WDR27: variants seen among roughly 807,000 people sequenced by gnomAD.
WDR27 encodes WD repeat-containing protein 27.
In WDR27, 100 loss-of-function variants were observed where a neutral mutation model predicts 114.4. The ratio of observed to expected loss-of-function variants is 0.87; its 90% CI spans 0.74 to 1.03. The LOEUF is 1.03. WDR27 is among the 50% of genes least tolerant of loss of function. WDR27 has a pLI of 0.00. For synonymous variants in WDR27, 449 were observed against 423.1 expected (o/e 1.06, Z -0.75); for missense variants, 1,129 against 1,092.9 (o/e 1.03, Z -0.47).
intron 25 of WDR27, among the ~76,000 whole-genome samples, chr6:169,555,270 G>C (rs971271081): frequency 6.6e-6 from 1 of 152,110 alleles, no homozygotes; most frequent in Non-Finnish European, 1.5e-5. Context: ...ACATTTGAAG[G>C]AGGACGAAGG....
At position 169,662,112 on chromosome 6, in the gene WDR27, C is replaced by CT. The variant is rs1269064626; in HGVS notation, c.1025+191dup. Among the ~76,000 whole-genome samples the CT allele has an allele frequency of 2.6e-5, 4 of 152,306 alleles. No homozygotes were observed. In the East Asian group the frequency reaches 7.7e-4, roughly 29 times the overall value. Reference sequence around the variant, plus strand: ...CATCCAATTCCTTTTATTAAAGACACTTACGTATCATTGCCCAAGTTTACC... The same window carrying CT: ...CATCCAATTCCTTTTATTAAAGACACTTTACGTATCATTGCCCAAGTTTACC... On this transcript the variant is annotated intron_variant, in intron 9 of 25. Coordinates refer to ENST00000448612, the MANE Select transcript of WDR27 (RefSeq NM_182552.5).
the WDR27 span, among the ~76,000 whole-genome samples, chr6:169,443,274 G>C: frequency 6.6e-6 from 1 of 152,134 alleles, no homozygotes; most frequent in Non-Finnish European, 1.5e-5. Flanking sequence ...TCCCAGGCTG[G>C]GTACTTGGAA....
chr6:169,654,874 C>T (rs1823679959), intron 13 of WDR27, among the ~76,000 whole-genome samples: 1 of 152,156 alleles, frequency 6.6e-6, no homozygotes, highest in South Asian at 2.1e-4. Flanking sequence ...GAAGGAAGCG[C>T]GCACAGAGGA....
At chr6:169,443,231 G>A in the WDR27 span, among the ~76,000 whole-genome samples, 66 of 152,288 alleles carry the variant, frequency 4.3e-4, no homozygotes, top group Admixed American at 9.8e-4. Flanking sequence ...ACAGCAACAC[G>A]TGCCGTCACC....
At chr6:169,570,477 C>T (rs1801199314) in intron 25 of WDR27, among the ~76,000 whole-genome samples, 1 of 152,178 alleles carries the variant, frequency 6.6e-6, no homozygotes, top group Non-Finnish European at 1.5e-5. Context: ...GTAAATCATG[C>T]AATTCTCTTT....
chr6:169,659,193 C>T lies in WDR27; in HGVS notation c.1212G>A (p.Leu404=). 6.2e-7 allele frequency: 1 copy of T among 1,602,950 alleles called. No individual in the cohort carries two copies. The highest frequency in any genetic ancestry group is 8.5e-7 in the Non-Finnish European group (1 of 1,176,040). The change falls in exon 12 of 26, where the codon CTG becomes CTA. Residue 404 remains leucine (L), a synonymous_variant. Transcript: ENST00000448612. The surrounding 1 kb of genome is among the most constrained non-coding windows in gnomAD (Gnocchi z 4.3). The part of the protein sequence containing the change: ...RTADQKVLCL[L]ASLFGGKIAV... ...CAATCTTCCCGCCAAAGAGGGAGGC[C>T]AGCAAGCACAGCACCTGCAGGGACG...
At chr6:169,688,090 C>A (rs1187256203) in intron 2 of WDR27, among the ~76,000 whole-genome samples, 1 of 152,058 alleles carries the variant, frequency 6.6e-6, no homozygotes, top group Non-Finnish European at 1.5e-5. Flanking sequence ...GATAAAGTGT[C>A]TATTTACATA....
chr6:169,650,289 CCCT>C (rs1424260928), intron 14 of WDR27, among the ~76,000 whole-genome samples: 3 of 145,254 alleles, frequency 2.1e-5, no homozygotes, highest in East Asian at 2.2e-4. Flanking sequence ...ACTCATCCAT[CCCT>C]CATCTCTGCA....
chr6:169,446,568 A>G, the WDR27 span, among the ~76,000 whole-genome samples: 3 of 152,224 alleles, frequency 2.0e-5, no homozygotes, highest in African/African-American at 7.2e-5. Flanking sequence ...GAGGGAGAAA[A>G]TGCCTTTTTT....
chr6:169,446,517 CG>C, the WDR27 span, among the ~76,000 whole-genome samples: 1 of 152,074 alleles, frequency 6.6e-6, no homozygotes, highest in East Asian at 1.9e-4. Context: ...TGTGGCACAC[CG>C]GGGCAAACCA....
intron 25 of WDR27, among the ~76,000 whole-genome samples, chr6:169,512,199 G>C (rs756123636): frequency 4.6e-5 from 7 of 152,142 alleles, no homozygotes; most frequent in Non-Finnish European, 7.4e-5. Flanking sequence ...TAATTTTATA[G>C]TGTTTTCTTA....
At chr6:169,578,059 C>G (rs1276883096) in intron 24 of WDR27, among the ~76,000 whole-genome samples, 3 of 152,178 alleles carry the variant, frequency 2.0e-5, no homozygotes, top group Admixed American at 6.5e-5. Flanking sequence ...AAACGCGTTT[C>G]TCTAATGTGT....
At chr6:169,591,737 T>A (rs1040336355) in intron 23 of WDR27, among the ~76,000 whole-genome samples, 1 of 152,168 alleles carries the variant, frequency 6.6e-6, no homozygotes, top group Non-Finnish European at 1.5e-5. Context: ...ACAGGTGTGG[T>A]GCTGCCCGCT....
At chr6:169,613,252 G>A (rs1431557040) in intron 22 of WDR27, among the ~76,000 whole-genome samples, 1 of 152,180 alleles carries the variant, frequency 6.6e-6, no homozygotes, top group East Asian at 1.9e-4. Context: ...GAACACACTT[G>A]GGAGAGAGAG....
chr6:169,676,021 A>G (rs751841701), intron 2 of WDR27, among the ~76,000 whole-genome samples: 6 of 152,226 alleles, frequency 3.9e-5, no homozygotes, highest in Non-Finnish European at 8.8e-5. Flanking sequence ...GTTATGCCAG[A>G]GTCAGACTGA....
intron 1 of WDR27, among the ~76,000 whole-genome samples, chr6:169,701,226 T>C (rs931713539): frequency 1.3e-5 from 2 of 152,136 alleles, no homozygotes; most frequent in African/African-American, 2.4e-5. Flanking sequence ...TTAATGTACA[T>C]ACGAATATTT....
chr6:169,442,119 C>T, the WDR27 span, among the ~76,000 whole-genome samples: 6 of 152,336 alleles, frequency 3.9e-5, no homozygotes, highest in Admixed American at 3.3e-4. Flanking sequence ...GGGCCAGGTT[C>T]GTCTGCTATA....
intron 25 of WDR27, among the ~76,000 whole-genome samples, chr6:169,546,492 G>A (rs1050111618): frequency 6.6e-6 from 1 of 152,280 alleles, no homozygotes; most frequent in African/African-American, 2.4e-5. Flanking sequence ...GGGACACTGA[G>A]GATAGGGCAG....
At chr6:169,656,656 G>C (rs1288068419) in intron 13 of WDR27, among the ~76,000 whole-genome samples, 1 of 152,074 alleles carries the variant, frequency 6.6e-6, no homozygotes, top group Non-Finnish European at 1.5e-5. Context: ...GGAGGGCCCA[G>C]GAGGAGGAGG....
Sources: allele counts gnomAD v4.1 joint callset (sites outside exome capture counted in the v4.1 genomes callset), GRCh38; gene constraint gnomAD v4.1.1; non-coding constraint Gnocchi (gnomAD v3.1); transcripts MANE v1.5; gene names NCBI Gene and HGNC (gene_info 2026-07-23, HGNC 2026-07-21).